Variants in ALG13 observed in about 807,000 individuals in gnomAD.
ALG13 encodes the protein ALG13 UDP-N-acetylglucosaminyltransferase subunit.
In ALG13, 11 loss-of-function variants were observed where a neutral mutation model predicts 87.8. That is an observed-to-expected ratio of 0.13 (90% CI 0.08 to 0.21). ALG13 has a LOEUF of 0.21. ALG13 is among the 10% of genes least tolerant of loss of function. The pLI, the probability that ALG13 is intolerant of heterozygous loss-of-function variation, is 1.00. For missense variants in ALG13, 756 were observed against 866.1 expected, an observed-to-expected ratio of 0.87 and a Z score of 1.60; for synonymous variants, 320 against 306.3, an observed-to-expected ratio of 1.04 and a Z score of -0.47.
intron 1 of ALG13, 152 bp downstream of exon 1, chrX:111,681,451 G>A: frequency 9.1e-7 from 1 of 1,100,996 alleles, no homozygotes; most frequent in South Asian, 2.3e-5. Flanking sequence ...GCTGGCTTCT[G>A]CCCACGCCCG....
chrX:111,740,126 T>C (rs1021864714), intron 23 of ALG13, among the ~76,000 whole-genome samples: 3 of 111,406 alleles, frequency 2.7e-5, no homozygotes, highest in Non-Finnish European at 3.8e-5. Flanking sequence ...AGCCTTATGT[T>C]TGGAGGGTGT....
Position 111,760,207 on chromosome X carries a change from G to A in ALG13, c.*208G>A, listed in dbSNP as rs1945623881. ...TGTGACTAAGGAAATTGAGATGGAT[G>A]TACAACTAGCCCCATATTGAGCATA... On this transcript the variant is annotated 3_prime_UTR_variant, in exon 27 of 27. Coordinates refer to ENST00000394780, the MANE Select transcript of ALG13 (RefSeq NM_001099922.3). The A allele has an allele frequency of 2.3e-6, 1 of 427,819 alleles. No homozygotes were observed. Among genetic ancestry groups the A allele is most frequent in the Non-Finnish European group, 3.9e-6 (1 of 258,221 alleles). 35.3% of individuals were successfully genotyped at this position (427,819 alleles called of 1,213,427 possible).
chrX:111,696,721 C>T (rs1355104287), intron 3 of ALG13, among the ~76,000 whole-genome samples: 1 of 111,655 alleles, frequency 9.0e-6, no homozygotes, highest in Non-Finnish European at 1.9e-5. Flanking sequence ...AAAAAGTAGT[C>T]ATTGCAAAAT....
chrX:111,727,604 A>G lies in ALG13; in HGVS notation c.2091-10A>G. The G allele has an allele frequency of 8.4e-7, 1 of 1,188,457 alleles. No individual in the cohort carries two copies. The highest frequency in any genetic ancestry group is 1.1e-6 in the Non-Finnish European group (1 of 884,634). On this transcript the variant is annotated splice_polypyrimidine_tract_variant and intron_variant, in intron 17 of 26. Coordinates refer to ENST00000394780, the MANE Select transcript of ALG13 (RefSeq NM_001099922.3). Reference sequence around the variant, plus strand: ...TCATTTTTACTTTTTTATTATTTGAACCACTTAAGTTCATTTAGACGTAGT... The same window carrying G: ...TCATTTTTACTTTTTTATTATTTGAGCCACTTAAGTTCATTTAGACGTAGT...
intron 10 of ALG13, among the ~76,000 whole-genome samples, chrX:111,719,025 CTTTTTT>C (rs1174274292): frequency 1.2e-5 from 1 of 82,415 alleles, no homozygotes; most frequent in Non-Finnish European, 2.2e-5. Flanking sequence ...AATTTTTTTT[CTTTTTT>C]TTTTTTTTTT....
At chrX:111,697,591 G>A (rs769887431) in intron 3 of ALG13, among the ~76,000 whole-genome samples, 7 of 111,895 alleles carry the variant, frequency 6.3e-5, no homozygotes, top group African/African-American at 9.7e-5. Flanking sequence ...TTTCAAGTGC[G>A]ATATTTCAAA....
At position 111,728,213 on chromosome X, in the gene ALG13, C is replaced by G; in HGVS notation, c.2276C>G (p.Pro759Arg). 8.3e-7 allele frequency: 1 copy of G among 1,211,284 alleles called. No homozygotes were observed. Among genetic ancestry groups the G allele is most frequent in the Non-Finnish European group, 1.1e-6 (1 of 895,219 alleles). The change falls in exon 19 of 27, where the codon CCT (proline) becomes CGT (arginine). Residue 759 changes from proline to arginine, a missense_variant. By Grantham distance (103) the Pro-to-Arg change is moderately radical (BLOSUM62 -2). This residue lies in a region of ALG13 where 362 missense variants were observed against 383.5 expected (regional missense o/e 0.94). Coordinates refer to ENST00000394780, the MANE Select transcript of ALG13 (RefSeq NM_001099922.3). ...PNHGGPSTMV[P>R]ATSGYCVGRR... ...CATGGAGGTCCCTCTACAATGGTTC[C>G]TGCTACTTCAGGATACTGTGTTGGA...
intron 15 of ALG13, among the ~76,000 whole-genome samples, chrX:111,725,886 A>G (rs1941943399): frequency 8.9e-6 from 1 of 112,625 alleles, no homozygotes; most frequent in African/African-American, 3.2e-5. Flanking sequence ...ATTAACAGGC[A>G]TAATTTATTA....
chrX:111,744,975 G>A, intron 24 of ALG13, 71 bp downstream of exon 24: 2 of 921,393 alleles, frequency 2.2e-6, no homozygotes, highest in Non-Finnish European at 3.1e-6. Flanking sequence ...ATCTCTCTTT[G>A]GTTGACCTAT....
intron 1 of ALG13, 76 bp from the exon 2 acceptor site, chrX:111,682,056 T>G (rs1048213428): frequency 1.0e-6 from 1 of 979,731 alleles, no homozygotes; most frequent in Non-Finnish European, 1.3e-6. Flanking sequence ...CGTCAAACTT[T>G]AGTAGTGGTG....
chrX:111,749,146 G>A (rs1389059444), intron 24 of ALG13, among the ~76,000 whole-genome samples: 1 of 111,260 alleles, frequency 9.0e-6, no homozygotes, highest in Non-Finnish European at 1.9e-5. Flanking sequence ...CTCCAAAGTC[G>A]TTATGATTGT....
intron 5 of ALG13, among the ~76,000 whole-genome samples, chrX:111,710,819 C>G (rs948896112): frequency 9.0e-6 from 1 of 111,685 alleles, no homozygotes; most frequent in Admixed American, 9.5e-5. Flanking sequence ...GCCTCAGCCT[C>G]CCAAGTAGCT....
At chrX:111,690,286 G>A in intron 3 of ALG13, 1 of 753,579 alleles carries the variant, frequency 1.3e-6, no homozygotes. Context: ...TCTATTAGAG[G>A]TACTGAAATT....
intron 15 of ALG13, 81 bp downstream of exon 15, chrX:111,725,142 T>C: frequency 2.8e-6 from 3 of 1,075,960 alleles, no homozygotes. Flanking sequence ...ATTTTTTAAA[T>C]GTATGTCATA....
At chrX:111,703,217 T>C (rs905638938) in intron 3 of ALG13, among the ~76,000 whole-genome samples, 2 of 109,496 alleles carry the variant, frequency 1.8e-5, no homozygotes, top group Non-Finnish European at 3.8e-5. Flanking sequence ...TCATCATCAT[T>C]ATCATTTCTT....
At chrX:111,756,608 A>G (rs777697621) in intron 25 of ALG13, among the ~76,000 whole-genome samples, 65 of 111,322 alleles carry the variant, frequency 5.8e-4, no homozygotes, top group Middle Eastern at 4.6e-3. Flanking sequence ...CCTCTGAAAT[A>G]CACTTGACTT....
chrX:111,737,038 T>G (rs989460678), intron 23 of ALG13, 159 bp downstream of exon 23: 7 of 453,099 alleles, frequency 1.5e-5, no homozygotes, highest in African/African-American at 1.5e-4. Flanking sequence ...TCCATGAGAT[T>G]TGAGAGTCAG....
intron 24 of ALG13, among the ~76,000 whole-genome samples, chrX:111,748,139 G>A (rs1279953769): frequency 4.5e-5 from 5 of 112,341 alleles, no homozygotes; most frequent in Non-Finnish European, 9.4e-5. Context: ...TTTAATTCAG[G>A]TAGTTTACTT....
chrX:111,756,514 T>TATCTCATATTTATGAG (rs1945275042), intron 25 of ALG13, among the ~76,000 whole-genome samples: 1 of 112,218 alleles, frequency 8.9e-6, no homozygotes, highest in African/African-American at 3.2e-5. Flanking sequence ...GGCAGGTGGG[T>TATCTCATATTTATGAG]ACTGACAAAT....
Sources: allele counts gnomAD v4.1 joint callset (sites outside exome capture counted in the v4.1 genomes callset), GRCh38; gene constraint gnomAD v4.1.1; regional missense constraint gnomAD v4.1.1; transcripts MANE v1.5; gene names NCBI Gene and HGNC (gene_info 2026-07-23, HGNC 2026-07-21).